The following ZMYND15 variants were observed in gnomAD, a reference collection of about 807,000 sequenced individuals.
The protein encoded by ZMYND15 is zinc finger MYND-type containing 15.
A neutral mutation model predicts 81.7 loss-of-function variants in ZMYND15; 54 were observed. That is an observed-to-expected ratio of 0.66 (90% CI 0.53 to 0.83). ZMYND15 has a LOEUF of 0.83. Ranked by LOEUF, ZMYND15 falls within the 40% of genes least tolerant of loss-of-function variation. The probability of loss-of-function intolerance (pLI) is 0.00; values close to 1 mark genes in which losing one functional copy is unlikely to be tolerated. For missense variants in ZMYND15, 925 were observed against 973.5 expected, an observed-to-expected ratio of 0.95 and a Z score of 0.66; for synonymous variants, 399 against 387.0, an observed-to-expected ratio of 1.03 and a Z score of -0.36.
rs374482464 is a variant in ZMYND15, at chr17:4,743,343, C to G, written c.1185C>G (p.Ala395=). ...SETFNKEAFL[A]SRGLTRGYWT... is the part of the protein sequence containing the mutation. ...CCTTCAACAAAGAGGCCTTCCTGGC[C>G]TCTCGGGGCCTCACTCGTGGCTATT... Residue 395 remains alanine (A), a synonymous_variant, in exon 6 of 14, where the codon GCC becomes GCG. Transcript: ENST00000433935. The surrounding 1 kb of genome is among the most constrained non-coding windows in gnomAD (Gnocchi z 4.3). 1.9e-6 allele frequency: 3 copies of G among 1,613,960 alleles called. No individual in the cohort carries two copies. The African/African-American group carries it at 4.0e-5, about 22-fold the overall frequency.
chr17:4,743,596 C>A lies in ZMYND15; in HGVS notation c.1297+141C>A. On this transcript the variant is annotated intron_variant, in intron 6 of 13. Transcript: ENST00000433935. This position sits in a 1 kb window ranked among gnomAD's most constrained non-coding sequence, Gnocchi z 4.3. ...AGGGCCATTTCAGGCCTTTCCCAGC[C>A]CTCAATGGAATCACCCCTACCAACT... 1 of 1,367,054 alleles carries A rather than the reference C, an allele frequency of 7.3e-7. No homozygotes were observed. Among genetic ancestry groups the A allele is most frequent in the Non-Finnish European group, 9.9e-7 (1 of 1,007,676 alleles). The allele number at this position is 1,367,054 out of a possible 1,614,324, so 84.7% of individuals were successfully genotyped here.
In ZMYND15 at chr17:4,745,922, C is replaced by G. The variant is rs1302244158; in HGVS notation, c.2161C>G (p.Pro721Ala). 6.7e-7 allele frequency: 1 copy of G among 1,502,112 alleles called. No homozygotes were observed. The allele number at this position is 1,502,112 out of a possible 1,614,324, so 93.0% of individuals were successfully genotyped here. A position where few individuals can be genotyped will look rare whatever the true frequency, so the allele number is the denominator to read the frequency against. The change falls in exon 14 of 14, where the codon CCT becomes GCT. Residue 721 changes from proline (P) to alanine (A), a missense_variant. By Grantham distance (27) the Pro-to-Ala change is conservative. Coordinates refer to ENST00000433935, the MANE Select transcript of ZMYND15 (RefSeq NM_001136046.3). This position sits in a 1 kb window ranked among gnomAD's most constrained non-coding sequence, Gnocchi z 5.2. ...PPPPSPTPSAPPAPTRRRRGE... is the reference protein window; with the variant it reads ...PPPPSPTPSAAPAPTRRRRGE... ...ACCCCCATCCCCAACTCCCTCTGCT[C>G]CTCCTGCCCCCACCCGAAGGCGCCG...
Position 4,744,503 on chromosome 17 carries a change from C to T in ZMYND15, c.1683+36C>T. 6.2e-7 allele frequency: 1 copy of T among 1,613,180 alleles called. No individual in the cohort carries two copies. The highest frequency in any genetic ancestry group is 8.5e-7 in the Non-Finnish European group (1 of 1,179,334). On this transcript the variant is annotated intron_variant, in intron 10 of 13. Coordinates refer to ENST00000433935, the MANE Select transcript of ZMYND15 (RefSeq NM_001136046.3). The surrounding 1 kb of genome is among the most constrained non-coding windows in gnomAD (Gnocchi z 4.1). ...AGGGGGCCCTGCTTTTCAGCCCTGA[C>T]CCCTCCAGTGACCTCCTGGTTGGGT...
In ZMYND15 at chr17:4,741,611, T is replaced by C. The variant is rs760141077; in HGVS notation, c.622T>C (p.Leu208=). Residue 208 remains leucine, a synonymous_variant, in exon 3 of 14, where the codon TTA becomes CTA. Coordinates refer to ENST00000433935, the MANE Select transcript of ZMYND15 (RefSeq NM_001136046.3). The part of the protein sequence containing the change: ...EAAPLHVSCL[L]LVTDEHGTIL... ...TGCCCCCCTGCACGTTTCCTGTCTC[T>C]TACTTGTGACGGATGAGCATGGCAC... The C allele has an allele frequency of 6.2e-7, 1 of 1,614,128 alleles. No individual in the cohort carries two copies. Among genetic ancestry groups the C allele is most frequent in the South Asian group, 1.1e-5 (1 of 91,084 alleles).
Position 4,743,886 on chromosome 17 carries a change from C to G in ZMYND15, c.1378+39C>G, listed in dbSNP as rs370989099. 23 of 1,608,744 alleles carry G rather than the reference C, an allele frequency of 1.4e-5. No homozygotes were observed. Among genetic ancestry groups the G allele is most frequent in the Admixed American group, 3.4e-5 (2 of 59,454 alleles). Reference sequence around the variant, plus strand: ...GCCCTGTGGAAGCTAGGGGTAGGGCCAGGGACTGGAGAACCAGAGCCTGGG... The same window carrying G: ...GCCCTGTGGAAGCTAGGGGTAGGGCGAGGGACTGGAGAACCAGAGCCTGGG... On this transcript the variant is annotated intron_variant, in intron 7 of 13. Transcript: ENST00000433935. The surrounding 1 kb of genome is among the most constrained non-coding windows in gnomAD (Gnocchi z 4.3).
At position 4,741,589 on chromosome 17, in the gene ZMYND15, C is replaced by T. The variant is rs1381780088; in HGVS notation, c.600C>T (p.Ala200=). The change falls in exon 3 of 14, where the codon GCC becomes GCT. Residue 200 remains alanine, a synonymous_variant. Coordinates refer to ENST00000433935, the MANE Select transcript of ZMYND15 (RefSeq NM_001136046.3). ...QKRKGQRSEA[A]PLHVSCLLLV... is the part of the protein sequence containing the mutation. The stretch of plus-strand genomic sequence containing the variant: ...TTTTCCCTCTTTCCCCAGAGGCTGC[C>T]CCCCTGCACGTTTCCTGTCTCTTAC... 6.2e-7 allele frequency: 1 copy of T among 1,613,890 alleles called. No homozygotes were observed. Among genetic ancestry groups the T allele is most frequent in the Non-Finnish European group, 8.5e-7 (1 of 1,179,928 alleles).
At position 4,745,430 on chromosome 17, in the gene ZMYND15, G is replaced by T; in HGVS notation, c.2057+55G>T. ...GACCCTTAACTTCTCTTACTCTCTG[G>T]CTCCACATCCTCGAAGGCCCACCTC... On this transcript the variant is annotated intron_variant, in intron 13 of 13. Transcript: ENST00000433935. The surrounding 1 kb of genome is among the most constrained non-coding windows in gnomAD (Gnocchi z 5.2). 6.5e-7 allele frequency: 1 copy of T among 1,539,466 alleles called. No homozygotes were observed. The highest frequency in any genetic ancestry group is 1.3e-5 in the South Asian group (1 of 79,100).
chr17:4,745,781 C>T lies in ZMYND15; in HGVS notation c.2058-38C>T, dbSNP rs372325258. ...TGGGAGCGCCGACCCCTGGGAGTCC[C>T]GCCCCGTGGTCCCTGACTGCGCCCC... On this transcript the variant is annotated intron_variant, in intron 13 of 13. Transcript: ENST00000433935. This position sits in a 1 kb window ranked among gnomAD's most constrained non-coding sequence, Gnocchi z 5.2. The T allele has an allele frequency of 1.8e-5, 28 of 1,552,650 alleles. No individual in the cohort carries two copies. In the African/African-American group the frequency reaches 3.0e-4, roughly 16 times the overall value.
Position 4,746,109 on chromosome 17 carries a change from T to C in ZMYND15, c.*119T>C, listed in dbSNP as rs1414729689. ...GAAAAGGTAAATAAAATTACTTGTTTGAAACCACTGAGTCATGGATCTTTT... is the reference window on the plus strand; with the variant it reads ...GAAAAGGTAAATAAAATTACTTGTTCGAAACCACTGAGTCATGGATCTTTT... On this transcript the variant is annotated 3_prime_UTR_variant, in exon 14 of 14. Transcript: ENST00000433935. The C allele has an allele frequency of 9.3e-7, 1 of 1,071,082 alleles. No individual in the cohort carries two copies. The highest frequency in any genetic ancestry group is 1.7e-5 in the African/African-American group (1 of 59,558). 66.3% of individuals were successfully genotyped at this position (1,071,082 alleles called of 1,614,324 possible).
At position 4,744,315 on chromosome 17, in the gene ZMYND15, T is replaced by C. The variant is rs538149219; in HGVS notation, c.1584+37T>C. ...CAGGCCTGAAGGTTGGGCATTTTGG[T>C]ATGGGGGTGGGCACAGGGTAGACCC... On this transcript the variant is annotated intron_variant, in intron 9 of 13. Transcript: ENST00000433935. This position sits in a 1 kb window ranked among gnomAD's most constrained non-coding sequence, Gnocchi z 4.1. 1.2e-4 allele frequency: 195 copies of C among 1,613,990 alleles called. 3 individuals are homozygous for C. In the South Asian group the frequency reaches 1.3e-3, roughly 11 times the overall value.
At chr17:4,741,443 G>C (rs185086157) in intron 2 of ZMYND15, 139 bp from the exon 3 acceptor site, 5 of 936,206 alleles carry the variant, frequency 5.3e-6, no homozygotes, top group Non-Finnish European at 8.3e-6. Context: ...TAGAAGGAGC[G>C]TGCCCTCTCT....
rs762729107 is a variant in ZMYND15, at chr17:4,744,155, G to A, written c.1496-35G>A. ...TGGAGCAGGATGGGGGAGTGAGAGT[G>A]GACCACATCCTTAAAGCGCTGGTTT... On this transcript the variant is annotated intron_variant, in intron 8 of 13. Coordinates refer to ENST00000433935, the MANE Select transcript of ZMYND15 (RefSeq NM_001136046.3). The surrounding 1 kb of genome is among the most constrained non-coding windows in gnomAD (Gnocchi z 4.1). 4.3e-6 allele frequency: 7 copies of A among 1,613,224 alleles called. No homozygotes were observed. Among genetic ancestry groups the A allele is most frequent in the Middle Eastern group, 1.6e-4 (1 of 6,084 alleles).
rs1239297229 is a variant in ZMYND15 at position 4,744,040 on chromosome 17, C to T, written c.1428C>T (p.Pro476=). Residue 476 remains proline (P), a synonymous_variant, in exon 8 of 14, where the codon CCC becomes CCT. Transcript: ENST00000433935. The surrounding 1 kb of genome is among the most constrained non-coding windows in gnomAD (Gnocchi z 4.1). ...YTWRGLSLDS[P]IAVLLTYPLT... ...GGCGGGGCCTCAGCTTGGACTCCCC[C>T]ATAGCCGTGCTTCTCACCTACCCGC... 1.9e-6 allele frequency: 3 copies of T among 1,553,872 alleles called. No homozygotes were observed. Among genetic ancestry groups the T allele is most frequent in the African/African-American group, 1.4e-5 (1 of 73,068 alleles).
rs375886894 is a variant in ZMYND15 at position 4,741,053 on chromosome 17, C to A, written c.505C>A (p.Arg169=). ...TCCAGGAGAGTCAGAGGAGGCTGCCCGGGAGGCAGGAGGTGGCAAGGATGG... is the reference window on the plus strand; with the variant it reads ...TCCAGGAGAGTCAGAGGAGGCTGCCAGGGAGGCAGGAGGTGGCAAGGATGG... ...NPPGESEEAA[R]EAGGGKDGCR... is the part of the protein sequence containing the mutation. Residue 169 remains arginine (R), a synonymous_variant, in exon 2 of 14, where the codon CGG becomes AGG. Coordinates refer to ENST00000433935, the MANE Select transcript of ZMYND15 (RefSeq NM_001136046.3). 4 of 1,548,812 alleles carry A rather than the reference C, an allele frequency of 2.6e-6. No homozygotes were observed. Among genetic ancestry groups the A allele is most frequent in the Non-Finnish European group, 3.5e-6 (4 of 1,145,366 alleles).
rs746628851 is a variant in ZMYND15 at position 4,745,901 on chromosome 17, C to G, written c.2140C>G (p.Pro714Ala). 4 of 1,544,254 alleles carry G rather than the reference C, an allele frequency of 2.6e-6. No individual in the cohort carries two copies. The highest frequency in any genetic ancestry group is 3.5e-6 in the Non-Finnish European group (4 of 1,147,742). Residue 714 changes from proline (P) to alanine (A), a missense_variant, in exon 14 of 14, where the codon CCA (proline) becomes GCA (alanine). Pro to Ala is a conservative substitution (Grantham distance 27). Coordinates refer to ENST00000433935, the MANE Select transcript of ZMYND15 (RefSeq NM_001136046.3). This position sits in a 1 kb window ranked among gnomAD's most constrained non-coding sequence, Gnocchi z 5.2. ...CCGCCCGGCGCCCGGGCCCCCACCC[C>G]CATCCCCAACTCCCTCTGCTCCTCC... ...GARPAPGPPP[P>A]SPTPSAPPAP...
chr17:4,741,354 G>C (rs1293088701), intron 2 of ZMYND15, among the ~76,000 whole-genome samples: 3 of 151,932 alleles, frequency 2.0e-5, no homozygotes, highest in Admixed American at 1.3e-4. Flanking sequence ...ACATTCCCAA[G>C]AAAAATCTCA....
chr17:4,743,246 A>AAG lies in ZMYND15; in HGVS notation c.1145-56_1145-55insGA. 1.3e-6 allele frequency: 2 copies of AAG among 1,488,548 alleles called. No individual in the cohort carries two copies. The highest frequency in any genetic ancestry group is 1.8e-6 in the Non-Finnish European group (2 of 1,101,960). 92.2% of individuals were successfully genotyped at this position (1,488,548 alleles called of 1,614,324 possible). On this transcript the variant is annotated intron_variant, in intron 5 of 13. Coordinates refer to ENST00000433935, the MANE Select transcript of ZMYND15 (RefSeq NM_001136046.3). The surrounding 1 kb of genome is among the most constrained non-coding windows in gnomAD (Gnocchi z 4.3). ...AGAGCAAGACTCTGTCTCAAAAAAA[A>AAG]AAAAATGTCTGGGGTTCTAGCCCAG...
rs758787096 is a variant in ZMYND15, at chr17:4,742,390, G to A, written c.1043G>A (p.Arg348Gln). 1.4e-5 allele frequency: 23 copies of A among 1,614,016 alleles called. No homozygotes were observed. The African/African-American group carries it at 1.5e-4, about 10-fold the overall frequency. ...GCTTGTCTCCGGGCTGACTGGCAGCGGTGCCCAGATGATGTGAGTCACCGA... is the reference window on the plus strand; with the variant it reads ...GCTTGTCTCCGGGCTGACTGGCAGCAGTGCCCAGATGATGTGAGTCACCGA... ...GEACLRADWQ[R>Q]CPDDVSHRFW... Residue 348 changes from arginine to glutamine, a missense_variant, in exon 5 of 14, where the codon CGG becomes CAG. Coordinates refer to ENST00000433935, the MANE Select transcript of ZMYND15 (RefSeq NM_001136046.3).
chr17:4,745,729 G>C lies in ZMYND15; in HGVS notation c.2058-90G>C. Reference sequence around the variant, plus strand: ...GGTGGAGCCCCGCCCCCTGGTCCCTGACCGCGCCCCTGGGAGCCCCGACCC... The same window carrying C: ...GGTGGAGCCCCGCCCCCTGGTCCCTCACCGCGCCCCTGGGAGCCCCGACCC... On this transcript the variant is annotated intron_variant, in intron 13 of 13. Transcript: ENST00000433935. This position sits in a 1 kb window ranked among gnomAD's most constrained non-coding sequence, Gnocchi z 5.2. 1.0e-6 allele frequency: 1 copy of C among 997,872 alleles called. No individual in the cohort carries two copies. The highest frequency in any genetic ancestry group is 2.9e-5 in the Admixed American group (1 of 34,462). 61.8% of individuals were successfully genotyped at this position (997,872 alleles called of 1,614,324 possible). A position where few individuals can be genotyped will look rare whatever the true frequency, so the allele number is the denominator to read the frequency against.
Sources: allele counts gnomAD v4.1 joint callset (sites outside exome capture counted in the v4.1 genomes callset), GRCh38; gene constraint gnomAD v4.1.1; non-coding constraint Gnocchi (gnomAD v3.1); transcripts MANE v1.5; gene names NCBI Gene and HGNC (gene_info 2026-07-23, HGNC 2026-07-21).